The following CDKN2A variants were observed in gnomAD, a reference collection of about 807,000 sequenced individuals.
The protein encoded by CDKN2A is cyclin dependent kinase inhibitor 2A.
CDKN2A carries 3 observed loss-of-function variants against 11.1 expected under a neutral mutation model. The ratio of observed to expected loss-of-function variants is 0.27; its 90% CI spans 0.12 to 0.70. The LOEUF (loss-of-function observed/expected upper bound fraction) is 0.70, where lower values mean the gene tolerates loss of function less well. CDKN2A is among the 30% of genes least tolerant of loss of function. The pLI, the probability that CDKN2A is intolerant of heterozygous loss-of-function variation, is 0.77. For synonymous variants in CDKN2A, 122 were observed against 108.1 expected (o/e 1.13, Z -0.80); for missense variants, 265 against 233.6 (o/e 1.13, Z -0.88).
At chr9:21,992,513 C>G (rs1050120774) in intron 2 of CDKN2A, 2 of 707,274 alleles carry the variant, frequency 2.8e-6, no homozygotes, top group African/African-American at 1.9e-5. Context: ...TTTCAATGAA[C>G]CTATCATTTA....
intron 2 of CDKN2A, among the ~76,000 whole-genome samples, chr9:21,987,787 C>T (rs1273516324): frequency 6.6e-6 from 1 of 152,058 alleles, no homozygotes; most frequent in Non-Finnish European, 1.5e-5. Context: ...AATCCTGGAC[C>T]TCAATTCAAA....
chr9:21,977,424 C>T (rs1820063260), upstream of CDKN2A, among the ~76,000 whole-genome samples: 2 of 152,016 alleles, frequency 1.3e-5, no homozygotes, highest in South Asian at 2.1e-4. Flanking sequence ...TGGCACCGCA[C>T]GATCTCTCTC....
At chr9:21,969,861 C>T in intron 2 of CDKN2A, 1 of 397,956 alleles carries the variant, frequency 2.5e-6, no homozygotes, top group Non-Finnish European at 4.4e-6. Flanking sequence ...TCTTTAACTT[C>T]GAAGGTGATT....
chr9:21,990,016 T>C (rs1416219300), intron 2 of CDKN2A: 1 of 151,162 alleles, frequency 6.6e-6, no homozygotes, highest in Non-Finnish European at 1.5e-5. Context: ...GGCTGAGGAG[T>C]GGAGGAGCAG....
At chr9:21,978,025 A>G (rs1244256270), upstream of CDKN2A, among the ~76,000 whole-genome samples, 2 of 150,408 alleles carry the variant, frequency 1.3e-5, no homozygotes, top group East Asian at 3.9e-4. Flanking sequence ...TGTATATCTC[A>G]TATCTTGCAG....
intron 2 of CDKN2A, chr9:21,989,956 C>A (rs1820386163): frequency 6.6e-6 from 1 of 152,322 alleles, no homozygotes; most frequent in Non-Finnish European, 1.5e-5. Context: ...CGCAGCGTCT[C>A]TAGGAATTGA....
chr9:21,980,603 TCA>T (rs1820147664), intron 2 of CDKN2A, among the ~76,000 whole-genome samples: 1 of 152,106 alleles, frequency 6.6e-6, no homozygotes, highest in Admixed American at 6.5e-5. Context: ...CTTAAAGTTG[TCA>T]ATATTAATTA....
chr9:21,970,851 C>T (rs1320854087), intron 2 of CDKN2A, 51 bp downstream of exon 2: 9 of 1,596,346 alleles, frequency 5.6e-6, no homozygotes, highest in Middle Eastern at 2.0e-4. Flanking sequence ...AATGAATGCT[C>T]TGAGCTTTGG....
chr9:21,983,717 G>C (rs1213553410), intron 2 of CDKN2A, among the ~76,000 whole-genome samples: 1 of 152,054 alleles, frequency 6.6e-6, no homozygotes, highest in East Asian at 1.9e-4. Flanking sequence ...AGCTGTTGAA[G>C]TCAGTTCCTC....
upstream of CDKN2A, among the ~76,000 whole-genome samples, chr9:21,976,001 C>T (rs1820018191): frequency 6.6e-6 from 1 of 152,144 alleles, no homozygotes; most frequent in Non-Finnish European, 1.5e-5. Flanking sequence ...AGAACAGTGC[C>T]ACACATCCTA....
upstream of CDKN2A, among the ~76,000 whole-genome samples, chr9:21,976,771 G>A (rs1820046164): frequency 3.3e-5 from 5 of 152,102 alleles, no homozygotes; most frequent in African/African-American, 1.2e-4. Context: ...CTTACTCCCT[G>A]AAAAGATTAT....
In CDKN2A at chr9:21,974,376, T is replaced by C. The variant is rs1279999939; in HGVS notation, c.150+302A>G. On this transcript the variant is annotated intron_variant, in intron 1 of 2. Transcript: ENST00000304494. This position sits in a 1 kb window ranked among gnomAD's most constrained non-coding sequence, Gnocchi z 5.2. Reference sequence around the variant, plus strand: ...ACTCCCTTTTTATCCCAAACGTTCGTAAATTTTGTATCTGATAAAGAGCAT... The same window carrying C: ...ACTCCCTTTTTATCCCAAACGTTCGCAAATTTTGTATCTGATAAAGAGCAT... 2 of 1,546,578 alleles carry C rather than the reference T, an allele frequency of 1.3e-6. No individual in the cohort carries two copies. The highest frequency in any genetic ancestry group is 1.8e-5 in the Admixed American group (1 of 55,132).
At chr9:21,985,720 A>G (rs947006250) in intron 2 of CDKN2A, among the ~76,000 whole-genome samples, 1 of 151,972 alleles carries the variant, frequency 6.6e-6, no homozygotes, top group African/African-American at 2.4e-5. Flanking sequence ...TATGAATACT[A>G]GAATAGCTTA....
At chr9:21,981,511 A>C (rs1390757603) in intron 2 of CDKN2A, among the ~76,000 whole-genome samples, 1 of 152,068 alleles carries the variant, frequency 6.6e-6, no homozygotes, top group Non-Finnish European at 1.5e-5. Flanking sequence ...TAATTATTTG[A>C]AGGCAAAGGC....
intron 1 of CDKN2A, among the ~76,000 whole-genome samples, chr9:21,973,669 C>G (rs1819884199): frequency 1.3e-5 from 2 of 152,246 alleles, no homozygotes; most frequent in Admixed American, 1.3e-4. Context: ...ATTGAAAACT[C>G]TTATCACAAA....
intron 2 of CDKN2A, among the ~76,000 whole-genome samples, chr9:21,985,920 A>C (rs1278755578): frequency 6.6e-6 from 1 of 152,026 alleles, no homozygotes; most frequent in Non-Finnish European, 1.5e-5. Flanking sequence ...GAAAAATTAT[A>C]ATGAAGTAGG....
chr9:21,980,820 G>A (rs1820154686), intron 2 of CDKN2A, among the ~76,000 whole-genome samples: 1 of 150,266 alleles, frequency 6.7e-6, no homozygotes, highest in Non-Finnish European at 1.5e-5. Flanking sequence ...TTAGCCAGGC[G>A]AGGTGGCGGG....
intron 2 of CDKN2A, among the ~76,000 whole-genome samples, chr9:21,981,249 G>A (rs1361379101): frequency 6.8e-6 from 1 of 147,564 alleles, no homozygotes; most frequent in African/African-American, 2.5e-5. Flanking sequence ...ACTGGGATGA[G>A]CTCTTGAGTG....
upstream of CDKN2A, among the ~76,000 whole-genome samples, chr9:21,976,752 CAAG>C (rs1168385357): frequency 6.6e-6 from 1 of 151,862 alleles, no homozygotes; most frequent in Non-Finnish European, 1.5e-5. Flanking sequence ...AAAGAAAGAC[CAAG>C]AAGAACTTAC....
Sources: gnomAD v4.1 joint callset for allele counts (sites outside exome capture counted in the v4.1 genomes callset) on GRCh38, gnomAD v4.1.1 for gene constraint, Gnocchi (gnomAD v3.1) non-coding constraint, MANE v1.5 for transcripts, NCBI Gene and HGNC (gene_info 2026-07-23, HGNC 2026-07-21) for gene names.